The following DDX1 variants were observed in gnomAD, a reference collection of about 807,000 sequenced individuals.
DDX1 encodes the protein ATP-dependent RNA helicase DDX1.
Under a neutral mutation model 108.7 loss-of-function variants are expected in DDX1, and 28 were observed. That is an observed-to-expected ratio of 0.26 (90% CI 0.19 to 0.35). The LOEUF is 0.35. Ranked by LOEUF, DDX1 falls within the 10% of genes least tolerant of loss-of-function variation. The pLI is 1.00. For missense variants in DDX1, 710 were observed against 884.5 expected (o/e 0.80, Z 2.50); for synonymous variants, 295 against 288.9 (o/e 1.02, Z -0.21).
At chr2:15,626,049 T>G (rs1015690111) in intron 19 of DDX1, among the ~76,000 whole-genome samples, 3 of 152,138 alleles carry the variant, frequency 2.0e-5, no homozygotes, top group Admixed American at 1.3e-4. Flanking sequence ...TTTAGTTACT[T>G]TGATGCTCCT....
At chr2:15,618,788 CCTT>C (rs1312356852) in intron 16 of DDX1, among the ~76,000 whole-genome samples, 1 of 152,270 alleles carries the variant, frequency 6.6e-6, no homozygotes, top group Non-Finnish European at 1.5e-5. Flanking sequence ...CCTTGGCCCT[CCTT>C]CCGTGTTCGC....
At chr2:15,595,315 G>A (rs1323002736) in intron 2 of DDX1, 119 bp downstream of exon 2, 3 of 992,242 alleles carry the variant, frequency 3.0e-6, no homozygotes, top group Non-Finnish European at 4.5e-6. Context: ...GGTTTTTTTT[G>A]TGATTTTCTA....
chr2:15,618,343 G>T, intron 16 of DDX1, 73 bp downstream of exon 16: 1 of 799,774 alleles, frequency 1.3e-6, no homozygotes. Context: ...GATCCCAGGG[G>T]GTGTTGCTTT....
rs1273351890 is a variant in DDX1 at position 15,620,199 on chromosome 2, T to A, written c.1207-9T>A. ...AAGTTCATCTCAATTTGGGGTTTCC[T>A]CTTCTTAGGTGATTGTTTGCTCTGC... On this transcript the variant is annotated splice_polypyrimidine_tract_variant and intron_variant, in intron 16 of 25. Coordinates refer to ENST00000233084, the MANE Select transcript of DDX1 (RefSeq NM_004939.3). The A allele has an allele frequency of 3.7e-6, 6 of 1,604,486 alleles. 1 individual carries two copies. In the South Asian group the frequency reaches 6.8e-5, roughly 18 times the overall value.
intron 10 of DDX1, among the ~76,000 whole-genome samples, chr2:15,604,929 A>G (rs1229708948): frequency 6.6e-6 from 1 of 152,146 alleles, no homozygotes; most frequent in Non-Finnish European, 1.5e-5. Flanking sequence ...TGCAAAGGGA[A>G]TAGTAAATGT....
At position 15,607,238 on chromosome 2, in the gene DDX1, C is replaced by T; in HGVS notation, c.881C>T (p.Pro294Leu). ...PNAPKALIVE[P>L]SRELAEQTLN... ...GCTCCGAAAGCTCTCATTGTTGAAC[C>T]TTCCCGGGAGTTAGCTGAACAAACT... Residue 294 changes from proline (P) to leucine (L), a missense_variant, in exon 13 of 26, where the codon CCT (proline) becomes CTT (leucine). By Grantham distance (98) the Pro-to-Leu change is moderately conservative. Coordinates refer to ENST00000233084, the MANE Select transcript of DDX1 (RefSeq NM_004939.3). The T allele has an allele frequency of 6.2e-7, 1 of 1,613,682 alleles. No homozygotes were observed.
intron 19 of DDX1, among the ~76,000 whole-genome samples, chr2:15,624,426 A>G (rs886895626): frequency 2.6e-5 from 4 of 152,222 alleles, no homozygotes; most frequent in Non-Finnish European, 5.9e-5. Context: ...TGGGTAATTT[A>G]TAAAGGAAAG....
rs373674722 is a variant in DDX1 at position 15,603,862 on chromosome 2, A to T, written c.524A>T (p.His175Leu). 16 of 1,611,998 alleles carry T rather than the reference A, an allele frequency of 9.9e-6. No homozygotes were observed. Among genetic ancestry groups the T allele is most frequent in the Non-Finnish European group, 1.4e-5 (16 of 1,178,872 alleles). Residue 175 changes from histidine (H) to leucine (L), a missense_variant, in exon 9 of 26, where the codon CAT (histidine) becomes CTT (leucine). Physicochemically the swap from His to Leu is moderately conservative, Grantham distance 99. Transcript: ENST00000233084. ...TTTGGTGGAACAGGAAAGAAATCCC[A>T]TAACAAACAATTTGATAATTATGGA... is the stretch of plus-strand genomic sequence containing the variant. ...FGFGGTGKKS[H>L]NKQFDNYGEE...
At chr2:15,611,532 T>C (rs1361704237) in intron 13 of DDX1, among the ~76,000 whole-genome samples, 1 of 131,826 alleles carries the variant, frequency 7.6e-6, no homozygotes, top group Non-Finnish European at 1.6e-5. Flanking sequence ...CCCACCTCCC[T>C]CCCGGACGGG....
intron 14 of DDX1, among the ~76,000 whole-genome samples, chr2:15,614,161 G>T (rs1258948207): frequency 1.3e-5 from 2 of 152,156 alleles, no homozygotes; most frequent in African/African-American, 4.8e-5. Flanking sequence ...GTTCTGTGAA[G>T]GTAGGACTTC....
intron 5 of DDX1, 109 bp from the exon 6 acceptor site, chr2:15,599,560 A>C: frequency 1.4e-6 from 1 of 712,364 alleles, no homozygotes; most frequent in Non-Finnish European, 2.3e-6. Flanking sequence ...TGAACCACCC[A>C]CGTCAGCTTC....
chr2:15,595,699 T>G (rs536877960), intron 3 of DDX1, 146 bp downstream of exon 3: 1 of 630,906 alleles, frequency 1.6e-6, no homozygotes, highest in Admixed American at 2.8e-5. Flanking sequence ...TTCAAACAGG[T>G]AAGTATTTAC....
At chr2:15,629,507 TG>T in intron 23 of DDX1, 94 bp from the exon 24 acceptor site, 1 of 833,890 alleles carries the variant, frequency 1.2e-6, no homozygotes, top group Admixed American at 3.0e-5. Flanking sequence ...TCTAGTGCCT[TG>T]AGGACAGAAA....
At chr2:15,623,095 T>A (rs939770180) in intron 18 of DDX1, among the ~76,000 whole-genome samples, 1 of 152,170 alleles carries the variant, frequency 6.6e-6, no homozygotes, top group African/African-American at 2.4e-5. Context: ...AGAATATGAT[T>A]TGTTCTTCAT....
chr2:15,624,995 G>A (rs867911694), intron 19 of DDX1, among the ~76,000 whole-genome samples: 12 of 152,064 alleles, frequency 7.9e-5, no homozygotes, highest in Admixed American at 3.3e-4. Context: ...TTGACAAAAA[G>A]ATGCTAGAAT....
intron 20 of DDX1, 114 bp downstream of exon 20, chr2:15,627,259 G>A (rs1019739798): frequency 8.4e-5 from 49 of 582,000 alleles, no homozygotes; most frequent in Middle Eastern, 9.0e-4. Flanking sequence ...ATTTCAAAAT[G>A]TTTCTACCCT....
intron 14 of DDX1, 34 bp downstream of exon 14, chr2:15,613,318 T>G (rs762975313): frequency 1.4e-6 from 2 of 1,463,202 alleles, no homozygotes; most frequent in Non-Finnish European, 1.9e-6. Flanking sequence ...AAACATAATG[T>G]CATGGGCTGT....
intron 4 of DDX1, among the ~76,000 whole-genome samples, chr2:15,597,160 T>A (rs897165253): frequency 2.6e-5 from 4 of 152,236 alleles, no homozygotes; most frequent in African/African-American, 9.6e-5. Context: ...CATTGTTCTA[T>A]CTTTTTGTGA....
intron 18 of DDX1, 57 bp downstream of exon 18, chr2:15,621,173 C>T (rs1166020305): frequency 8.1e-7 from 1 of 1,240,740 alleles, no homozygotes. Context: ...TTATACCTTA[C>T]CTATTCTCAT....
Sources: gnomAD v4.1 joint callset for allele counts (sites outside exome capture counted in the v4.1 genomes callset) on GRCh38, gnomAD v4.1.1 for gene constraint, MANE v1.5 for transcripts, NCBI Gene and HGNC (gene_info 2026-07-23, HGNC 2026-07-21) for gene names.